The following ADAMTSL1 variants were observed in gnomAD, a reference collection of about 807,000 sequenced individuals.
ADAMTSL1 encodes the protein ADAMTS like 1.
A neutral mutation model predicts 201.8 loss-of-function variants in ADAMTSL1; 126 were observed. The ratio of observed to expected loss-of-function variants is 0.62; its 90% CI spans 0.54 to 0.72. The LOEUF is 0.72. Among genes scored for constraint, ADAMTSL1 ranks in the 30% least tolerant of loss-of-function variants. The pLI is 0.00. For synonymous variants in ADAMTSL1, 1,121 were observed against 903.4 expected (o/e 1.24, Z -4.32); for missense variants, 2,679 against 2,277.8 (o/e 1.18, Z -3.59).
intron 4 of ADAMTSL1, among the ~76,000 whole-genome samples, chr9:18,599,387 T>C (rs1182236525): frequency 6.6e-6 from 1 of 152,184 alleles, no homozygotes; most frequent in Non-Finnish European, 1.5e-5. Flanking sequence ...TGGGCCTCAA[T>C]TATTGAAGGG....
chr9:18,680,342 C>G lies in ADAMTSL1; in HGVS notation c.1167C>G (p.Ser389=), dbSNP rs1369992737. 1.2e-6 allele frequency: 2 copies of G among 1,614,030 alleles called. No individual in the cohort carries two copies. The highest frequency in any genetic ancestry group is 2.7e-5 in the African/African-American group (2 of 74,924). Residue 389 remains serine (S), a synonymous_variant, in exon 11 of 29, where the codon TCC becomes TCG. Transcript: ENST00000380548. ...AGGCCACCCCATGGACCGCGTGCTC[C>G]TCCTCGTGTGGGGGGGGCATCCAGA... is the stretch of plus-strand genomic sequence containing the variant. The part of the protein sequence containing the change: ...RWEATPWTAC[S]SSCGGGIQSR...
At chr9:18,799,451 T>C (rs1822637286) in intron 20 of ADAMTSL1, among the ~76,000 whole-genome samples, 1 of 152,222 alleles carries the variant, frequency 6.6e-6, no homozygotes, top group South Asian at 2.1e-4. Context: ...GGTAAATTGC[T>C]TCAGTCTGGA....
At chr9:18,102,419 A>G (rs1052560984) in intron 1 of ADAMTSL1, among the ~76,000 whole-genome samples, 1 of 152,222 alleles carries the variant, frequency 6.6e-6, no homozygotes, top group Non-Finnish European at 1.5e-5. Flanking sequence ...GTCTTATCTT[A>G]TGAATTATAT....
chr9:18,292,664 G>C (rs1040770137), intron 2 of ADAMTSL1, among the ~76,000 whole-genome samples: 8 of 152,120 alleles, frequency 5.3e-5, no homozygotes, highest in African/African-American at 1.7e-4. Context: ...CCCGGTGCTG[G>C]ATGCTTCCTG....
chr9:18,657,562 A>T, intron 7 of ADAMTSL1, 77 bp from the exon 8 acceptor site: 6 of 1,087,762 alleles, frequency 5.5e-6, no homozygotes, highest in Non-Finnish European at 8.4e-6. Context: ...ACTACCATAT[A>T]CTCTTGTTCG....
intron 7 of ADAMTSL1, among the ~76,000 whole-genome samples, chr9:18,653,947 G>T (rs867776673): frequency 6.6e-6 from 1 of 152,172 alleles, no homozygotes; most frequent in South Asian, 2.1e-4. Flanking sequence ...TGCTCTTGGG[G>T]TTGGGTGTGG....
At chr9:18,638,391 A>G (rs1411116178) in intron 6 of ADAMTSL1, among the ~76,000 whole-genome samples, 1 of 152,110 alleles carries the variant, frequency 6.6e-6, no homozygotes, top group Non-Finnish European at 1.5e-5. Context: ...CGTTCTTGTC[A>G]AGTTTTGGAA....
At chr9:18,365,625 T>C (rs191488762) in intron 2 of ADAMTSL1, among the ~76,000 whole-genome samples, 59 of 152,096 alleles carry the variant, frequency 3.9e-4, no homozygotes, top group African/African-American at 1.3e-3. Context: ...AGAGCAGTTT[T>C]TTAGGCTAGG....
chr9:18,403,616 A>G (rs183206719), intron 2 of ADAMTSL1, among the ~76,000 whole-genome samples: 5 of 152,336 alleles, frequency 3.3e-5, no homozygotes, highest in Non-Finnish European at 5.9e-5. Context: ...CCTGGGTCAT[A>G]GATAAATAAA....
At chr9:18,412,716 G>A (rs1818498491) in intron 2 of ADAMTSL1, among the ~76,000 whole-genome samples, 1 of 152,070 alleles carries the variant, frequency 6.6e-6, no homozygotes, top group Non-Finnish European at 1.5e-5. Context: ...CCCATATTAG[G>A]CCACTAGAAG....
At chr9:18,906,350 A>C (rs1310785456) in intron 27 of ADAMTSL1, among the ~76,000 whole-genome samples, 1 of 152,050 alleles carries the variant, frequency 6.6e-6, no homozygotes, top group Non-Finnish European at 1.5e-5. Context: ...TTCCTTATAG[A>C]TGTCCCCCTG....
At chr9:18,058,922 C>T (rs1354152595) in intron 1 of ADAMTSL1, among the ~76,000 whole-genome samples, 1 of 152,186 alleles carries the variant, frequency 6.6e-6, no homozygotes, top group East Asian at 1.9e-4. Context: ...CATTGAAAGC[C>T]TGCAGTACTT....
chr9:18,136,277 T>G (rs913974843), intron 1 of ADAMTSL1, among the ~76,000 whole-genome samples: 7 of 152,156 alleles, frequency 4.6e-5, no homozygotes, highest in Non-Finnish European at 1.0e-4. Context: ...TTGGGATTCA[T>G]TTTCATAATT....
intron 2 of ADAMTSL1, among the ~76,000 whole-genome samples, chr9:18,184,364 A>C (rs1828636988): frequency 6.6e-6 from 1 of 152,194 alleles, no homozygotes; most frequent in Non-Finnish European, 1.5e-5. Context: ...AGGAAATATC[A>C]ATTTTTCTCA....
At chr9:18,274,896 A>G (rs1832526373) in intron 2 of ADAMTSL1, among the ~76,000 whole-genome samples, 1 of 152,208 alleles carries the variant, frequency 6.6e-6, no homozygotes, top group Non-Finnish European at 1.5e-5. Flanking sequence ...ATCATTCTGA[A>G]CTGAAAGTTG....
chr9:18,777,101 A>T lies in ADAMTSL1; in HGVS notation c.2872A>T (p.Ile958Phe). The T allele has an allele frequency of 6.2e-7, 1 of 1,613,150 alleles. No individual in the cohort carries two copies. The highest frequency in any genetic ancestry group is 8.5e-7 in the Non-Finnish European group (1 of 1,179,814). The change falls in exon 19 of 29, where the codon ATT becomes TTT. Residue 958 changes from isoleucine to phenylalanine, a missense_variant. Physicochemically the swap from Ile to Phe is conservative, Grantham distance 21 (BLOSUM62 0). Coordinates refer to ENST00000380548, the MANE Select transcript of ADAMTSL1 (RefSeq NM_001040272.6). ...GGGCCCGGCCCGGGAGCACTTTGTG[A>T]TTAAGCTCATCGGAGGCAACCGCAA... is the stretch of plus-strand genomic sequence containing the variant. ...SAGPAREHFV[I>F]KLIGGNRKLV...
chr9:18,172,741 G>A (rs1426267871), intron 2 of ADAMTSL1, among the ~76,000 whole-genome samples: 3 of 151,926 alleles, frequency 2.0e-5, no homozygotes, highest in East Asian at 3.9e-4. Context: ...GGAGAATAAC[G>A]TATTGCTTAT....
intron 1 of ADAMTSL1, among the ~76,000 whole-genome samples, chr9:18,105,026 T>C (rs1824695606): frequency 6.8e-6 from 1 of 147,876 alleles, no homozygotes; most frequent in Admixed American, 6.8e-5. Context: ...TATGTATAAA[T>C]AAAAAAAAAA....
intron 1 of ADAMTSL1, among the ~76,000 whole-genome samples, chr9:18,072,358 G>C (rs144550626): frequency 2.0e-5 from 3 of 152,264 alleles, no homozygotes; most frequent in African/African-American, 7.2e-5. Flanking sequence ...TCTTGGAAGA[G>C]CTATCCATGC....
Sources: allele counts gnomAD v4.1 joint callset (sites outside exome capture counted in the v4.1 genomes callset), GRCh38; gene constraint gnomAD v4.1.1; transcripts MANE v1.5; gene names NCBI Gene and HGNC (gene_info 2026-07-23, HGNC 2026-07-21).